Variants in DCAF17 observed in about 807,000 individuals in gnomAD.
The protein encoded by DCAF17 is DDB1- and CUL4-associated factor 17.
A neutral mutation model predicts 66.0 loss-of-function variants in DCAF17; 48 were observed. The ratio of observed to expected loss-of-function variants is 0.73; its 90% CI spans 0.58 to 0.92. DCAF17 has a LOEUF of 0.92. Ranked by LOEUF, DCAF17 falls within the 40% of genes least tolerant of loss-of-function variation. The pLI, the probability that DCAF17 is intolerant of heterozygous loss-of-function variation, is 0.00. For synonymous variants in DCAF17, 206 were observed against 214.6 expected, an observed-to-expected ratio of 0.96 and a Z score of 0.35; for missense variants, 562 against 622.8, an observed-to-expected ratio of 0.90 and a Z score of 1.04.
chr2:171,451,192 T>C (rs1467652975), intron 5 of DCAF17, among the ~76,000 whole-genome samples: 1 of 152,138 alleles, frequency 6.6e-6, no homozygotes, highest in Non-Finnish European at 1.5e-5. Flanking sequence ...TCTTGTCTAC[T>C]TTTTCTGTAT....
At position 171,483,406 on chromosome 2, in the gene DCAF17, G is replaced by A. The variant is rs373833929; in HGVS notation, c.*2292G>A. 15 of 454,098 alleles carry A rather than the reference G, an allele frequency of 3.3e-5. No homozygotes were observed. Among genetic ancestry groups the A allele is most frequent in the African/African-American group, 6.0e-5 (3 of 50,130 alleles). 28.1% of individuals were successfully genotyped at this position (454,098 alleles called of 1,614,324 possible). On this transcript the variant is annotated 3_prime_UTR_variant, in exon 14 of 14. Transcript: ENST00000375255. Reference sequence around the variant, plus strand: ...TTCCATCAGCAGGTACAGACGTTACGCTGAAAAGAGGTGCATTCTGCATTG... The same window carrying A: ...TTCCATCAGCAGGTACAGACGTTACACTGAAAAGAGGTGCATTCTGCATTG...
At chr2:171,438,147 C>T (rs1409398242) in intron 2 of DCAF17, among the ~76,000 whole-genome samples, 1 of 152,194 alleles carries the variant, frequency 6.6e-6, no homozygotes. Context: ...TGTTCACTCT[C>T]CAAATATATT....
chr2:171,472,396 C>T (rs1460477129), intron 9 of DCAF17, among the ~76,000 whole-genome samples: 1 of 152,204 alleles, frequency 6.6e-6, no homozygotes, highest in Non-Finnish European at 1.5e-5. Context: ...CCACGCTAGT[C>T]TCAAACTCCT....
chr2:171,459,611 C>A (rs1043488546), intron 8 of DCAF17, among the ~76,000 whole-genome samples: 4 of 152,204 alleles, frequency 2.6e-5, no homozygotes, highest in African/African-American at 9.6e-5. Flanking sequence ...AAAGGATTTT[C>A]TAATATATGC....
intron 6 of DCAF17, 29 bp downstream of exon 6, chr2:171,453,242 A>G: frequency 6.7e-7 from 1 of 1,483,032 alleles, no homozygotes; most frequent in Non-Finnish European, 9.4e-7. Context: ...TTTAATTGCA[A>G]TATTTTATTG....
Position 171,478,152 on chromosome 2 carries a change from G to A in DCAF17, c.1266+82G>A. ...TCATATTAATACTTCCCCATATCCT[G>A]GGGTAGAGGTTGGGGTTGAGGGGTT... On this transcript the variant is annotated intron_variant, in intron 12 of 13. Coordinates refer to ENST00000375255, the MANE Select transcript of DCAF17 (RefSeq NM_025000.4). The A allele has an allele frequency of 3.8e-6, 5 of 1,309,896 alleles. No homozygotes were observed. The South Asian group carries it at 6.1e-5, about 16-fold the overall frequency. 81.1% of individuals were successfully genotyped at this position (1,309,896 alleles called of 1,614,324 possible).
intron 7 of DCAF17, 101 bp downstream of exon 7, chr2:171,458,176 G>A: frequency 1.7e-6 from 2 of 1,189,294 alleles, no homozygotes; most frequent in Non-Finnish European, 2.5e-6. Context: ...AGGCACTTCT[G>A]TAGATTTTGG....
chr2:171,458,155 C>T, intron 7 of DCAF17, 80 bp downstream of exon 7: 3 of 1,293,946 alleles, frequency 2.3e-6, no homozygotes, highest in Non-Finnish European at 3.3e-6. Flanking sequence ...TAGTGAGATG[C>T]TTTTAGAGTA....
rs749932237 is a variant in DCAF17, at chr2:171,481,328, A to G, written c.*214A>G. The G allele has an allele frequency of 1.2e-5, 8 of 649,076 alleles. No homozygotes were observed. Among genetic ancestry groups the G allele is most frequent in the South Asian group, 1.2e-4 (8 of 66,468 alleles). 40.2% of individuals were successfully genotyped at this position (649,076 alleles called of 1,614,324 possible). A position where few individuals can be genotyped will look rare whatever the true frequency, so the allele number is the denominator to read the frequency against. On this transcript the variant is annotated 3_prime_UTR_variant, in exon 14 of 14. Coordinates refer to ENST00000375255, the MANE Select transcript of DCAF17 (RefSeq NM_025000.4). ...AAAGGTTTTTTAGAATACTGTTCCAAGAAGTTTAGTGTTTTGCAGCTTTGA... is the reference window on the plus strand; with the variant it reads ...AAAGGTTTTTTAGAATACTGTTCCAGGAAGTTTAGTGTTTTGCAGCTTTGA...
At chr2:171,455,006 T>A (rs1030930246) in intron 6 of DCAF17, among the ~76,000 whole-genome samples, 3 of 152,102 alleles carry the variant, frequency 2.0e-5, no homozygotes, top group Admixed American at 6.5e-5. Context: ...GGGGTACATG[T>A]GCATTATGTG....
intron 7 of DCAF17, 22 bp from the exon 8 acceptor site, chr2:171,458,350 T>G: frequency 6.3e-7 from 1 of 1,592,466 alleles, no homozygotes; most frequent in Non-Finnish European, 8.6e-7. Context: ...AAGCCACCAT[T>G]TTTGTTTTGT....
Position 171,449,964 on chromosome 2 carries a change from A to G in DCAF17, c.537+7A>G, listed in dbSNP as rs200433540. On this transcript the variant is annotated splice_region_variant and intron_variant, in intron 5 of 13. Transcript: ENST00000375255. ...CTCAGCAGTGGCCCGGCAGGTATAC[A>G]TATTTAAACATTCAATAAAATGAAG... is the stretch of plus-strand genomic sequence containing the variant. 1.2e-5 allele frequency: 19 copies of G among 1,606,944 alleles called. No individual in the cohort carries two copies. In the Admixed American group the frequency reaches 2.3e-4, roughly 20 times the overall value.
chr2:171,479,533 G>A (rs1696645340), intron 12 of DCAF17: 1 of 156,656 alleles, frequency 6.4e-6, no homozygotes, highest in Non-Finnish European at 1.4e-5. Flanking sequence ...AAACCAAAAG[G>A]ATTTTTTTTT....
Position 171,484,724 on chromosome 2 carries a change from C to G in DCAF17, c.*3610C>G. The G allele has an allele frequency of 2.2e-6, 1 of 454,020 alleles. No homozygotes were observed. Among genetic ancestry groups the G allele is most frequent in the Non-Finnish European group, 4.4e-6 (1 of 226,754 alleles). 28.1% of individuals were successfully genotyped at this position (454,020 alleles called of 1,614,324 possible). A position where few individuals can be genotyped will look rare whatever the true frequency, so the allele number is the denominator to read the frequency against. ...CATTGCAATCATCTTCAGAAAGTTTCCTAAATCCCTCTCCCAGTCTATCCC... is the reference window on the plus strand; with the variant it reads ...CATTGCAATCATCTTCAGAAAGTTTGCTAAATCCCTCTCCCAGTCTATCCC... On this transcript the variant is annotated 3_prime_UTR_variant, in exon 14 of 14. Transcript: ENST00000375255.
intron 2 of DCAF17, among the ~76,000 whole-genome samples, chr2:171,439,485 T>C (rs58796565): frequency 0.038 from 5,678 of 151,260 alleles, 351 homozygotes; most frequent in African/African-American, 0.13. Context: ...ATGGTGTTTT[T>C]TGATTTCTAG....
At chr2:171,458,548 G>A (rs1695395280) in intron 8 of DCAF17, 71 bp downstream of exon 8, 1 of 1,159,692 alleles carries the variant, frequency 8.6e-7, no homozygotes, top group Non-Finnish European at 1.3e-6. Flanking sequence ...ATTAATTATA[G>A]TCATCCAAAT....
chr2:171,470,101 G>T (rs1054395699), intron 9 of DCAF17, among the ~76,000 whole-genome samples: 1 of 152,202 alleles, frequency 6.6e-6, no homozygotes, highest in African/African-American at 2.4e-5. Flanking sequence ...AGAGCTCACT[G>T]CAGCCTCAAC....
intron 6 of DCAF17, among the ~76,000 whole-genome samples, 154 bp from the exon 7 acceptor site, chr2:171,457,817 C>T (rs1482891048): frequency 1.3e-5 from 2 of 152,162 alleles, no homozygotes; most frequent in Non-Finnish European, 2.9e-5. Context: ...AACACCCTAG[C>T]CTCAAGGTGA....
chr2:171,450,339 A>G (rs777896355), intron 5 of DCAF17, among the ~76,000 whole-genome samples: 3 of 152,116 alleles, frequency 2.0e-5, no homozygotes, highest in Admixed American at 6.5e-5. Context: ...TAAAGAACTT[A>G]CTCATGTGAC....
Sources: allele counts gnomAD v4.1 joint callset (sites outside exome capture counted in the v4.1 genomes callset), GRCh38; gene constraint gnomAD v4.1.1; transcripts MANE v1.5; gene names NCBI Gene and HGNC (gene_info 2026-07-23, HGNC 2026-07-21).